The following AQP4 variants were observed in gnomAD, a reference collection of about 807,000 sequenced individuals.
AQP4 encodes aquaporin-4.
Under a neutral mutation model 27.8 loss-of-function variants are expected in AQP4, and 18 were observed. That is an observed-to-expected ratio of 0.65 (90% CI 0.45 to 0.96). AQP4 has a LOEUF of 0.96. Ranked by LOEUF, AQP4 falls within the 40% of genes least tolerant of loss-of-function variation. AQP4 has a pLI of 0.00. For synonymous variants in AQP4, 141 were observed against 142.9 expected (o/e 0.99, Z 0.10); for missense variants, 412 against 408.2 (o/e 1.01, Z -0.08).
intron 4 of AQP4, among the ~76,000 whole-genome samples, chr18:26,860,519 T>C (rs2054921877): frequency 6.6e-6 from 1 of 152,190 alleles, no homozygotes; most frequent in Admixed American, 6.5e-5. Flanking sequence ...GTGTCTAAAA[T>C]AGTGCTTCAA....
chr18:26,854,734 C>CA lies in AQP4; in HGVS notation c.*1476dup, dbSNP rs2054812065. Reference sequence around the variant, plus strand: ...TCAGTTATTTACAAGTCACTCCTTGCAGTGATAGGTTTCTGCTTTACTTCT... The same window carrying CA: ...TCAGTTATTTACAAGTCACTCCTTGCAAGTGATAGGTTTCTGCTTTACTTCT... On this transcript the variant is annotated 3_prime_UTR_variant, in exon 5 of 5. Coordinates refer to ENST00000383168, the MANE Select transcript of AQP4 (RefSeq NM_001650.7). 6.6e-6 allele frequency: 1 copy of CA among 152,624 alleles called. No homozygotes were observed. The highest frequency in any genetic ancestry group is 2.4e-5 in the African/African-American group (1 of 41,468). The allele number at this position is 152,624 out of a possible 1,614,324, so 9.5% of individuals were successfully genotyped here. A position where few individuals can be genotyped will look rare whatever the true frequency, so the allele number is the denominator to read the frequency against.
At position 26,856,509 on chromosome 18, in the gene AQP4, G is replaced by C; in HGVS notation, c.694-20C>G. On this transcript the variant is annotated intron_variant, in intron 4 of 4. Coordinates refer to ENST00000383168, the MANE Select transcript of AQP4 (RefSeq NM_001650.7). ...ATATATCTAAGGAAAAGATGGAAGAGGATAGAGTGTAAGTAGAGAAAAGCT... is the reference window on the plus strand; with the variant it reads ...ATATATCTAAGGAAAAGATGGAAGACGATAGAGTGTAAGTAGAGAAAAGCT... 1.2e-6 allele frequency: 2 copies of C among 1,613,298 alleles called. No homozygotes were observed. The highest frequency in any genetic ancestry group is 1.7e-6 in the Non-Finnish European group (2 of 1,179,282).
At chr18:26,862,791 T>G (rs2054979040) in intron 1 of AQP4, 195 bp from the exon 2 acceptor site, 2 of 685,866 alleles carry the variant, frequency 2.9e-6, no homozygotes, top group Non-Finnish European at 4.9e-6. Context: ...CTCCTTTCAT[T>G]TAATATTCAA....
chr18:26,855,438 GT>G lies in AQP4; in HGVS notation c.*772del, dbSNP rs1182134236. 2 of 152,270 alleles carry G rather than the reference GT, an allele frequency of 1.3e-5. No individual in the cohort carries two copies. Among genetic ancestry groups the G allele is most frequent in the Non-Finnish European group, 2.9e-5 (2 of 68,096 alleles). The allele number at this position is 152,270 out of a possible 1,614,324, so 9.4% of individuals were successfully genotyped here. On this transcript the variant is annotated 3_prime_UTR_variant, in exon 5 of 5. Coordinates refer to ENST00000383168, the MANE Select transcript of AQP4 (RefSeq NM_001650.7). ...CCGAATACAGATCTCCTTTTTGTTT[GT>G]GATTTTTGTATGATGATAACTTTGC...
At chr18:26,859,780 A>G (rs901063923) in intron 4 of AQP4, among the ~76,000 whole-genome samples, 1 of 152,242 alleles carries the variant, frequency 6.6e-6, no homozygotes, top group Non-Finnish European at 1.5e-5. Flanking sequence ...TTTGCAGTGT[A>G]CACCATAGAT....
rs574302121 is a variant in AQP4, at chr18:26,852,932, A to G, written c.*3279T>C. ...CGTGAGGTTGGTGTCAACATGCTGCAATCAGAGGCCTTCTAGGATTCATCT... is the reference window on the plus strand; with the variant it reads ...CGTGAGGTTGGTGTCAACATGCTGCGATCAGAGGCCTTCTAGGATTCATCT... On this transcript the variant is annotated 3_prime_UTR_variant, in exon 5 of 5. Coordinates refer to ENST00000383168, the MANE Select transcript of AQP4 (RefSeq NM_001650.7). The G allele has an allele frequency of 4.6e-4, 183 of 398,462 alleles. No homozygotes were observed. In the East Asian group the frequency reaches 6.4e-3, roughly 14 times the overall value. 24.7% of individuals were successfully genotyped at this position (398,462 alleles called of 1,614,324 possible). A position where few individuals can be genotyped will look rare whatever the true frequency, so the allele number is the denominator to read the frequency against.
Position 26,862,395 on chromosome 18 carries a change from T to A in AQP4, c.234A>T (p.Gly78=). ...VDMVLISLCF[G]LSIATMVQCF... is the part of the protein sequence containing the mutation. ...ACTGCACCATGGTTGCAATGCTGAGTCCAAAGCAAAGGGAGATGAGAACCA... is the reference window on the plus strand; with the variant it reads ...ACTGCACCATGGTTGCAATGCTGAGACCAAAGCAAAGGGAGATGAGAACCA... Residue 78 remains glycine (G), a synonymous_variant, in exon 2 of 5, where the codon GGA becomes GGT. Transcript: ENST00000383168. 6.2e-7 allele frequency: 1 copy of A among 1,614,030 alleles called. No homozygotes were observed. The highest frequency in any genetic ancestry group is 1.3e-5 in the African/African-American group (1 of 74,974).
rs898720800 is a variant in AQP4 at position 26,855,743 on chromosome 18, G to C, written c.*468C>G. The C allele has an allele frequency of 8.3e-5, 16 of 193,514 alleles. No homozygotes were observed. The highest frequency in any genetic ancestry group is 1.6e-4 in the Non-Finnish European group (15 of 92,456). 12.0% of individuals were successfully genotyped at this position (193,514 alleles called of 1,614,324 possible). A position where few individuals can be genotyped will look rare whatever the true frequency, so the allele number is the denominator to read the frequency against. On this transcript the variant is annotated 3_prime_UTR_variant, in exon 5 of 5. Coordinates refer to ENST00000383168, the MANE Select transcript of AQP4 (RefSeq NM_001650.7). ...TAAGGGATTGCTCATAAAAGAACTT[G>C]TTATATTTTCTCTCTTGAATGTGCA...
intron 4 of AQP4, among the ~76,000 whole-genome samples, chr18:26,858,954 A>G (rs1165954943): frequency 6.6e-6 from 1 of 152,244 alleles, no homozygotes; most frequent in African/African-American, 2.4e-5. Flanking sequence ...CTACCTACAA[A>G]TATACTTTAA....
At chr18:26,858,010 C>T (rs960011161) in intron 4 of AQP4, among the ~76,000 whole-genome samples, 4 of 152,116 alleles carry the variant, frequency 2.6e-5, no homozygotes, top group African/African-American at 9.7e-5. Flanking sequence ...GTGGCTCACA[C>T]CTGTAATCCC....
Position 26,856,031 on chromosome 18 carries a change from A to G in AQP4, c.*180T>C. ...TTTTTTTAGATTTGGAATTCACAAT[A>G]GGTTTCTTCCGTTCCTCCTTTGTAA... On this transcript the variant is annotated 3_prime_UTR_variant, in exon 5 of 5. Coordinates refer to ENST00000383168, the MANE Select transcript of AQP4 (RefSeq NM_001650.7). The G allele has an allele frequency of 1.3e-6, 1 of 742,838 alleles. No individual in the cohort carries two copies. The highest frequency in any genetic ancestry group is 1.8e-5 in the South Asian group (1 of 54,244). 46.0% of individuals were successfully genotyped at this position (742,838 alleles called of 1,614,324 possible).
At position 26,862,217 on chromosome 18, in the gene AQP4, G is replaced by A. The variant is rs1277616436; in HGVS notation, c.412C>T (p.Pro138Ser). The A allele has an allele frequency of 1.2e-6, 2 of 1,614,030 alleles. No individual in the cohort carries two copies. The highest frequency in any genetic ancestry group is 2.2e-5 in the East Asian group (1 of 44,874). The change falls in exon 2 of 5, where the codon CCT (proline) becomes TCT (serine). Residue 138 changes from proline to serine, a missense_variant. By Grantham distance (74) the Pro-to-Ser change is moderately conservative (BLOSUM62 -1). Coordinates refer to ENST00000383168, the MANE Select transcript of AQP4 (RefSeq NM_001650.7). ...IGAGILYLVT[P>S]PSVVGGLGVT... Reference sequence around the variant, plus strand: ...CCCAGGCCTCCCACCACACTGGGAGGTGTGACCAGATAGAGGATTCCTGCT... The same window carrying A: ...CCCAGGCCTCCCACCACACTGGGAGATGTGACCAGATAGAGGATTCCTGCT...
intron 2 of AQP4, 200 bp downstream of exon 2, chr18:26,861,982 C>CTT (rs1012808189): frequency 1.8e-5 from 12 of 657,510 alleles, no homozygotes; most frequent in Non-Finnish European, 2.8e-5. Flanking sequence ...ATTTTTAAGG[C>CTT]ACTCAAGAGC....
In AQP4 at chr18:26,861,236, T is replaced by C. The variant is rs1255789557; in HGVS notation, c.507A>G (p.Gln169=). 10 of 1,613,932 alleles carry C rather than the reference T, an allele frequency of 6.2e-6. No individual in the cohort carries two copies. Among genetic ancestry groups the C allele is most frequent in the African/African-American group, 4.0e-5 (3 of 74,910 alleles). ...GLLVELIITF[Q]LVFTIFASCD... The stretch of plus-strand genomic sequence containing the variant: ...AGCTGGCAAAGATAGTAAACACCAA[T>C]TGAAATGTGATTATCAACTCAACCA... The change falls in exon 3 of 5, where the codon CAA becomes CAG. Residue 169 remains glutamine (Q), a synonymous_variant. Transcript: ENST00000383168.
intron 4 of AQP4, 191 bp downstream of exon 4, chr18:26,860,581 T>C (rs529246080): frequency 2.8e-4 from 163 of 591,192 alleles, no homozygotes; most frequent in African/African-American, 2.7e-3. Flanking sequence ...AGAGATGTTT[T>C]ACATCTCTTA....
At position 26,859,580 on chromosome 18, in the gene AQP4, G is replaced by T. The variant is rs756173230; in HGVS notation, c.693+1192C>A. Among the ~76,000 whole-genome samples the T allele has an allele frequency of 2.0e-5, 3 of 152,184 alleles. No individual in the cohort carries two copies. The East Asian group carries it at 5.8e-4, about 29-fold the overall frequency. ...AAAAATTTCCATTTCTGTTAATGTG[G>T]TAACAGTTTTTGAGACATAAATGGA... On this transcript the variant is annotated intron_variant, in intron 4 of 4. Coordinates refer to ENST00000383168, the MANE Select transcript of AQP4 (RefSeq NM_001650.7).
chr18:26,856,136 T>C lies in AQP4; in HGVS notation c.*75A>G. The C allele has an allele frequency of 1.3e-6, 2 of 1,543,760 alleles. No individual in the cohort carries two copies. The highest frequency in any genetic ancestry group is 1.8e-6 in the Non-Finnish European group (2 of 1,117,538). ...GCACATTTCTAATTTATAACAAATC[T>C]GTTTCCTTAATGGGTGGAAGGAAAT... On this transcript the variant is annotated 3_prime_UTR_variant, in exon 5 of 5. Coordinates refer to ENST00000383168, the MANE Select transcript of AQP4 (RefSeq NM_001650.7).
chr18:26,859,394 A>G (rs2054899045), intron 4 of AQP4, among the ~76,000 whole-genome samples: 1 of 151,982 alleles, frequency 6.6e-6, no homozygotes, highest in Admixed American at 6.6e-5. Context: ...GGTGGCATGC[A>G]CCTGTAATCC....
At chr18:26,859,289 G>A (rs1414190315) in intron 4 of AQP4, among the ~76,000 whole-genome samples, 1 of 152,216 alleles carries the variant, frequency 6.6e-6, no homozygotes, top group Non-Finnish European at 1.5e-5. Flanking sequence ...GGAGGCTGAG[G>A]CAGGTGGATC....
Sources: allele counts gnomAD v4.1 joint callset (sites outside exome capture counted in the v4.1 genomes callset), GRCh38; gene constraint gnomAD v4.1.1; transcripts MANE v1.5; gene names NCBI Gene and HGNC (gene_info 2026-07-23, HGNC 2026-07-21).